RPH3A: variants seen among roughly 807,000 people sequenced by gnomAD.
RPH3A encodes rabphilin 3A, also known as rabphilin-3A.
RPH3A carries 48 observed loss-of-function variants against 102.2 expected under a neutral mutation model. The ratio of observed to expected loss-of-function variants is 0.47; its 90% confidence interval spans 0.37 to 0.60. The LOEUF is 0.60. Ranked by LOEUF, RPH3A falls within the 20% of genes least tolerant of loss-of-function variation. RPH3A has a pLI of 0.00. For synonymous variants in RPH3A, 310 were observed against 324.3 expected (o/e 0.96, Z 0.47); for missense variants, 781 against 910.1 (o/e 0.86, Z 1.83).
At chr12:112,587,624 C>T (rs2039448488) in intron 1 of RPH3A, among the ~76,000 whole-genome samples, 1 of 152,124 alleles carries the variant, frequency 6.6e-6, no homozygotes, top group Non-Finnish European at 1.5e-5. Flanking sequence ...ATCACAGCCC[C>T]TTATGCTTTA....
At chr12:112,704,381 C>T (rs1022579506) in intron 1 of RPH3A, among the ~76,000 whole-genome samples, 5 of 152,146 alleles carry the variant, frequency 3.3e-5, no homozygotes, top group Non-Finnish European at 5.9e-5. Flanking sequence ...TCAGCCACTG[C>T]GCTCAGCACC....
Position 112,590,303 on chromosome 12 carries a change from T to G in RPH3A, c.-140+14984T>G, listed in dbSNP as rs191702263. 8.3e-3 allele frequency among the ~76,000 whole-genome samples: 1,269 copies of G among 152,276 alleles called. 19 individuals carry two copies. The highest frequency in any genetic ancestry group is 0.028 in the African/African-American group (1,178 of 41,558). On this transcript the variant is annotated intron_variant, in intron 1 of 21. Coordinates refer to the RPH3A transcript ENST00000543106. ...GGAGTGGCATTTCAGTGTGGCTGTTTCCACTGAGCTCTTGCAGCCACCAGC... is the reference window on the plus strand; with the variant it reads ...GGAGTGGCATTTCAGTGTGGCTGTTGCCACTGAGCTCTTGCAGCCACCAGC...
At chr12:112,712,885 C>T (rs530791101) in intron 1 of RPH3A, among the ~76,000 whole-genome samples, 34 of 138,024 alleles carry the variant, frequency 2.5e-4, no homozygotes, top group African/African-American at 9.3e-4. Flanking sequence ...TTTTTTTCTT[C>T]TTCTTCTTCT....
At chr12:112,862,597 G>A (rs1439000048) in intron 5 of RPH3A, among the ~76,000 whole-genome samples, 1 of 152,170 alleles carries the variant, frequency 6.6e-6, no homozygotes, top group Non-Finnish European at 1.5e-5. Context: ...GGGAAGATGG[G>A]GTGGGTGGGG....
chr12:112,774,942 A>C (rs1404722545), intron 1 of RPH3A, among the ~76,000 whole-genome samples: 2 of 152,064 alleles, frequency 1.3e-5, no homozygotes, highest in African/African-American at 4.8e-5. Flanking sequence ...TGCCCAGCCT[A>C]CACATGTACC....
intron 1 of RPH3A, among the ~76,000 whole-genome samples, chr12:112,693,114 T>G (rs1194857666): frequency 6.6e-6 from 1 of 152,240 alleles, no homozygotes; most frequent in African/African-American, 2.4e-5. Flanking sequence ...TTTTGACTCT[T>G]GCTCAGAGTT....
Position 112,866,847 on chromosome 12 carries a change from G to A in RPH3A, c.444+7G>A. On this transcript the variant is annotated splice_region_variant and intron_variant, in intron 7 of 21. Transcript: ENST00000389385. ...CTGCATTGAGCAGAGGGAGGTGAGTGCCCTGGTCCCACCTGGTGCCTAGAT... is the reference window on the plus strand; with the variant it reads ...CTGCATTGAGCAGAGGGAGGTGAGTACCCTGGTCCCACCTGGTGCCTAGAT... 12 of 1,603,362 alleles carry A rather than the reference G, an allele frequency of 7.5e-6. No homozygotes were observed. The highest frequency in any genetic ancestry group is 1.0e-5 in the Non-Finnish European group (12 of 1,173,650).
At chr12:112,789,296 A>G (rs932262325), upstream of RPH3A, among the ~76,000 whole-genome samples, 2 of 152,224 alleles carry the variant, frequency 1.3e-5, no homozygotes, top group African/African-American at 4.8e-5. Context: ...TTGATTATGG[A>G]CAAGTCAATT....
chr12:112,703,630 A>G (rs1382103414), intron 1 of RPH3A, among the ~76,000 whole-genome samples: 2 of 152,222 alleles, frequency 1.3e-5, no homozygotes, highest in Non-Finnish European at 2.9e-5. Context: ...TCCAGTGGAA[A>G]TGCTGACACA....
chr12:112,708,565 G>A (rs544604866), intron 1 of RPH3A, among the ~76,000 whole-genome samples: 36 of 152,318 alleles, frequency 2.4e-4, no homozygotes, highest in African/African-American at 8.7e-4. Flanking sequence ...GAGCAAAGCA[G>A]TGGGGTTGTG....
chr12:112,784,299 C>A (rs1050748060), intron 1 of RPH3A, among the ~76,000 whole-genome samples: 2 of 152,162 alleles, frequency 1.3e-5, no homozygotes, highest in African/African-American at 4.8e-5. Flanking sequence ...CAGGTCCAAC[C>A]TCACCCCCAG....
intron 1 of RPH3A, among the ~76,000 whole-genome samples, chr12:112,726,551 G>A (rs1313073393): frequency 1.3e-5 from 2 of 152,102 alleles, no homozygotes; most frequent in Non-Finnish European, 2.9e-5. Context: ...ACAAAAAGCA[G>A]AAATAATACT....
At chr12:112,703,611 A>G (rs2040408934) in intron 1 of RPH3A, among the ~76,000 whole-genome samples, 1 of 152,250 alleles carries the variant, frequency 6.6e-6, no homozygotes, top group African/African-American at 2.4e-5. Context: ...GCTTAAGCAG[A>G]TCCTGAATTC....
intron 1 of RPH3A, among the ~76,000 whole-genome samples, chr12:112,769,237 G>A (rs781140166): frequency 4.6e-5 from 7 of 152,126 alleles, no homozygotes; most frequent in South Asian, 2.1e-4. Flanking sequence ...TTAACTTGAC[G>A]CCTCTTTGAG....
intron 1 of RPH3A, among the ~76,000 whole-genome samples, chr12:112,642,517 C>T (rs966317923): frequency 1.3e-5 from 2 of 152,222 alleles, no homozygotes; most frequent in Non-Finnish European, 1.5e-5. Context: ...ACTGGACATC[C>T]TGTATTTTAT....
intron 4 of RPH3A, among the ~76,000 whole-genome samples, chr12:112,844,179 C>T (rs1194489914): frequency 6.6e-6 from 1 of 152,172 alleles, no homozygotes; most frequent in African/African-American, 2.4e-5. Flanking sequence ...CTGAGCCTTG[C>T]TTCTAGCCTA....
At position 112,869,893 on chromosome 12, in the gene RPH3A, G is replaced by T; in HGVS notation, c.650G>T (p.Gly217Val). 1 of 1,614,042 alleles carries T rather than the reference G, an allele frequency of 6.2e-7. No homozygotes were observed. The change falls in exon 10 of 22, where the codon GGC (glycine) becomes GTC (valine). Residue 217 changes from glycine to valine, a missense_variant and splice_region_variant. By Grantham distance (109) the Gly-to-Val change is moderately radical. Around this residue, in one of 2 missense-constraint regions of RPH3A, gnomAD observed 730 missense variants for 810.0 expected, o/e 0.90. Coordinates refer to ENST00000389385, the MANE Select transcript of RPH3A (RefSeq NM_001143854.2). ...EDRRGPGQKT[G>V]PDPASAPGRG... ...ACTCAATTCATGCTCTTCTTTCCAG[G>T]CCCTGACCCAGCCTCTGCTCCCGGG...
intron 1 of RPH3A, among the ~76,000 whole-genome samples, chr12:112,783,477 A>G (rs577294162): frequency 6.6e-6 from 1 of 152,236 alleles, no homozygotes; most frequent in East Asian, 1.9e-4. Flanking sequence ...GTTTTTCTAT[A>G]TCTCCACTGG....
At chr12:112,845,493 G>T (rs971025810) in intron 4 of RPH3A, among the ~76,000 whole-genome samples, 16 of 152,208 alleles carry the variant, frequency 1.1e-4, no homozygotes, top group African/African-American at 3.6e-4. Context: ...GGCCTCGGGA[G>T]GTACCTGTGC....
Sources: gnomAD v4.1 joint callset for allele counts (sites outside exome capture counted in the v4.1 genomes callset) on GRCh38, gnomAD v4.1.1 for gene constraint, gnomAD v4.1.1 regional missense constraint, MANE v1.5 for transcripts, NCBI Gene and HGNC (gene_info 2026-07-23, HGNC 2026-07-21) for gene names.